Variants in AMY2B observed in about 807,000 individuals in gnomAD.
AMY2B encodes alpha-amylase 2B.
A neutral mutation model predicts 59.3 loss-of-function variants in AMY2B; 63 were observed. The observed-to-expected ratio is 1.06, with a 90% CI of 0.87 to 1.31. The LOEUF is 1.31. Ranked by LOEUF, AMY2B falls within the 50% of genes most tolerant of loss-of-function variation. The pLI, the probability that AMY2B is intolerant of heterozygous loss-of-function variation, is 0.00. For missense variants in AMY2B, 635 were observed against 626.7 expected (o/e 1.01, Z -0.14); for synonymous variants, 180 against 198.1 (o/e 0.91, Z 0.77).
chr1:103,570,282 T>C (rs948817052), upstream of AMY2B: 2 of 571,908 alleles, frequency 3.5e-6, no homozygotes, highest in Non-Finnish European at 6.9e-6. Context: ...AGCTGCCTGA[T>C]GGCCATGTCA....
chr1:103,573,375 G>A lies in AMY2B; in HGVS notation c.513+115G>A, dbSNP rs190087076. Reference sequence around the variant, plus strand: ...GAATTTAGATCTCTTAGGGACACAGGTTAACAGGTTTGACTACTTTAAGAA... The same window carrying A: ...GAATTTAGATCTCTTAGGGACACAGATTAACAGGTTTGACTACTTTAAGAA... On this transcript the variant is annotated intron_variant, in intron 3 of 9. Coordinates refer to ENST00000684275, the MANE Select transcript of AMY2B (RefSeq NM_001387437.1). 156 of 1,535,842 alleles carry A rather than the reference G, an allele frequency of 1.0e-4. No individual in the cohort carries two copies. In the East Asian group the frequency reaches 3.4e-3, roughly 34 times the overall value.
At chr1:103,560,838 A>T (rs1031353922) in intron 1 of AMY2B, among the ~76,000 whole-genome samples, 84 of 152,260 alleles carry the variant, frequency 5.5e-4, no homozygotes, top group Non-Finnish European at 7.2e-4. Flanking sequence ...ATAATATTTT[A>T]TTTGATTTTT....
Position 103,579,410 on chromosome 1 carries a change from C to T in AMY2B, c.1446C>T (p.Ile482=). ...ATGGCAATTGCACAGGCATTAAAAT[C>T]TACGTTTCTGACGATGGCAAAGCTC... ...KINGNCTGIK[I]YVSDDGKAHF... The change falls in exon 10 of 10, where the codon ATC becomes ATT. Residue 482 remains isoleucine, a synonymous_variant. Coordinates refer to ENST00000684275, the MANE Select transcript of AMY2B (RefSeq NM_001387437.1). 1 of 1,611,772 alleles carries T rather than the reference C, an allele frequency of 6.2e-7. No individual in the cohort carries two copies. Among genetic ancestry groups the T allele is most frequent in the South Asian group, 1.1e-5 (1 of 90,984 alleles).
At chr1:103,557,434 G>T (rs991857955) in intron 1 of AMY2B, among the ~76,000 whole-genome samples, 3 of 151,958 alleles carry the variant, frequency 2.0e-5, no homozygotes, top group Admixed American at 6.6e-5. Flanking sequence ...GTGGATCAAC[G>T]TGAGGTCAGG....
intron 4 of AMY2B, 65 bp from the exon 5 acceptor site, chr1:103,574,195 A>G: frequency 1.2e-6 from 2 of 1,607,164 alleles, no homozygotes; most frequent in Non-Finnish European, 1.7e-6. Context: ...TATAATATTA[A>G]CTTATTGGTT....
At chr1:103,564,930 T>C (rs1651856678) in intron 1 of AMY2B, 1 of 152,156 alleles carries the variant, frequency 6.6e-6, no homozygotes, top group Admixed American at 6.6e-5. Flanking sequence ...GACATTGCCA[T>C]TCTAATATTC....
chr1:103,563,896 T>C (rs1651820980), intron 1 of AMY2B, among the ~76,000 whole-genome samples: 1 of 152,144 alleles, frequency 6.6e-6, no homozygotes, highest in African/African-American at 2.4e-5. Context: ...TTGGTGATTC[T>C]TTTTCATCTC....
chr1:103,569,094 A>G (rs944905994), upstream of AMY2B: 1 of 152,046 alleles, frequency 6.6e-6, no homozygotes, highest in South Asian at 2.1e-4. Flanking sequence ...CTCACTCACT[A>G]TCATGAAAAC....
In AMY2B at chr1:103,579,366, A is replaced by G. The variant is rs747330782; in HGVS notation, c.1402A>G (p.Ile468Val). ...TCCTGCTGGCACATACTGTGATGTC[A>G]TTTCTGGAGATAAAATTAATGGCAA... The part of the protein sequence containing the change: ...GLPAGTYCDV[I>V]SGDKINGNCT... The change falls in exon 10 of 10, where the codon ATT (isoleucine) becomes GTT (valine). Residue 468 changes from isoleucine to valine, a missense_variant. Transcript: ENST00000684275. 6.2e-6 allele frequency: 10 copies of G among 1,611,796 alleles called. No individual in the cohort carries two copies. The highest frequency in any genetic ancestry group is 4.5e-4 in the Middle Eastern group (2 of 4,426).
At chr1:103,559,924 C>T (rs1406692224) in intron 1 of AMY2B, among the ~76,000 whole-genome samples, 1 of 152,096 alleles carries the variant, frequency 6.6e-6, no homozygotes, top group African/African-American at 2.4e-5. Context: ...TACGTTTAGT[C>T]TACAGAATTA....
At position 103,575,389 on chromosome 1, in the gene AMY2B, GA is replaced by G. The variant is rs562580345; in HGVS notation, c.1001+45del. 1.4e-4 allele frequency: 221 copies of G among 1,612,726 alleles called. 1 individual carries two copies. In the African/African-American group the frequency reaches 2.6e-3, roughly 19 times the overall value. On this transcript the variant is annotated intron_variant, in intron 6 of 9. Coordinates refer to ENST00000684275, the MANE Select transcript of AMY2B (RefSeq NM_001387437.1). ...TATTTTTTTTAACACATCTTTTAAT[GA>G]TGGTAATGATATTCTGATATTCTGT... is the stretch of plus-strand genomic sequence containing the variant.
chr1:103,562,315 G>C (rs930361693), intron 1 of AMY2B, among the ~76,000 whole-genome samples: 5 of 152,164 alleles, frequency 3.3e-5, no homozygotes, highest in Non-Finnish European at 7.4e-5. Context: ...TCAGAGATCT[G>C]TTAGGCAAAC....
At chr1:103,555,315 G>A (rs1458097093) in intron 1 of AMY2B, 1 of 151,358 alleles carries the variant, frequency 6.6e-6, no homozygotes, top group Non-Finnish European at 1.5e-5. Flanking sequence ...TATATAATTT[G>A]TAATATAATT....
At chr1:103,565,074 T>A (rs1651861336) in intron 1 of AMY2B, 1 of 152,158 alleles carries the variant, frequency 6.6e-6, no homozygotes, top group African/African-American at 2.4e-5. Context: ...ACATAAACAT[T>A]TCCCCTCTAT....
intron 1 of AMY2B, among the ~76,000 whole-genome samples, chr1:103,558,467 A>C (rs1229517450): frequency 3.3e-5 from 5 of 152,228 alleles, no homozygotes; most frequent in African/African-American, 9.7e-5. Context: ...ATTAACAGTG[A>C]AAGAGACTAT....
intron 1 of AMY2B, among the ~76,000 whole-genome samples, chr1:103,563,115 T>C (rs1651789080): frequency 6.6e-6 from 1 of 152,076 alleles, no homozygotes; most frequent in Admixed American, 6.5e-5. Context: ...TTTTATTTTT[T>C]ATATGAGCCC....
chr1:103,575,151 G>T, intron 5 of AMY2B, 72 bp from the exon 6 acceptor site: 1 of 1,604,162 alleles, frequency 6.2e-7, no homozygotes, highest in Non-Finnish European at 8.5e-7. Context: ...TGCAGAAAGA[G>T]ATGCACAGTT....
intron 7 of AMY2B, among the ~76,000 whole-genome samples, chr1:103,576,775 A>T (rs1162707274): frequency 3.3e-5 from 5 of 152,218 alleles, no homozygotes; most frequent in Non-Finnish European, 5.9e-5. Context: ...ATAGCAAAAA[A>T]ACAATATTCC....
Position 103,573,235 on chromosome 1 carries a change from T to C in AMY2B, c.488T>C (p.Ile163Thr), listed in dbSNP as rs1459214338. 3.1e-6 allele frequency: 5 copies of C among 1,613,560 alleles called. No individual in the cohort carries two copies. Among genetic ancestry groups the C allele is most frequent in the East Asian group, 4.5e-5 (2 of 44,868 alleles). Residue 163 changes from isoleucine (I) to threonine (T), a missense_variant, in exon 3 of 10, where the codon ATC (isoleucine) becomes ACC (threonine). By Grantham distance (89) the Ile-to-Thr change is moderately conservative (BLOSUM62 -1). Transcript: ENST00000684275. ...AAATGTAAAACTGGAAGTGGAGATATCGAGAACTACAATGATGCTACTCAG... is the reference window on the plus strand; with the variant it reads ...AAATGTAAAACTGGAAGTGGAGATACCGAGAACTACAATGATGCTACTCAG... The part of the protein sequence containing the change: ...DGKCKTGSGD[I>T]ENYNDATQVR...
Sources: allele counts gnomAD v4.1 joint callset (sites outside exome capture counted in the v4.1 genomes callset), GRCh38; gene constraint gnomAD v4.1.1; transcripts MANE v1.5; gene names NCBI Gene and HGNC (gene_info 2026-07-23, HGNC 2026-07-21).